Variants in PRKD3 observed in about 807,000 individuals in gnomAD.
The protein encoded by PRKD3 is serine/threonine-protein kinase D3.
A neutral mutation model predicts 99.2 loss-of-function variants in PRKD3; 47 were observed. The observed-to-expected ratio is 0.47, with a 90% CI of 0.38 to 0.60. The LOEUF (loss-of-function observed/expected upper bound fraction) is 0.60. Among genes scored for constraint, PRKD3 ranks in the 20% least tolerant of loss-of-function variants. The pLI, the probability that PRKD3 is intolerant of heterozygous loss-of-function variation, is 0.00. For synonymous variants in PRKD3, 392 were observed against 355.4 expected (o/e 1.10, Z -1.16); for missense variants, 1,019 against 1,088.4 (o/e 0.94, Z 0.90).
intron 1 of PRKD3, among the ~76,000 whole-genome samples, chr2:37,319,968 G>A (rs746493447): frequency 1.3e-5 from 2 of 152,152 alleles, no homozygotes; most frequent in Non-Finnish European, 2.9e-5. Context: ...ATTGAGCTAC[G>A]GGGTACAAAC....
chr2:37,289,990 A>G (rs998076770), intron 4 of PRKD3, among the ~76,000 whole-genome samples: 4 of 152,214 alleles, frequency 2.6e-5, no homozygotes, highest in African/African-American at 9.6e-5. Context: ...TTGGAACACA[A>G]CCATATCTAT....
chr2:37,311,144 T>C lies in PRKD3; in HGVS notation c.288+5093A>G, dbSNP rs189491197. Among the ~76,000 whole-genome samples, 217 of 152,312 alleles carry C rather than the reference T, an allele frequency of 1.4e-3. 1 individual carries two copies. Among genetic ancestry groups the C allele is most frequent in the African/African-American group, 4.9e-3 (202 of 41,574 alleles). Reference sequence around the variant, plus strand: ...TGTTAAAGGTATCTTGCTTTATCCATGCTACAAGCTATCAAAGTAGTAGCA... The same window carrying C: ...TGTTAAAGGTATCTTGCTTTATCCACGCTACAAGCTATCAAAGTAGTAGCA... On this transcript the variant is annotated intron_variant, in intron 2 of 18. Transcript: ENST00000234179.
At chr2:37,286,416 G>C in intron 5 of PRKD3, 47 bp from the exon 6 acceptor site, 1 of 1,499,950 alleles carries the variant, frequency 6.7e-7, no homozygotes, top group Non-Finnish European at 9.2e-7. Context: ...ATTAAAAACA[G>C]AGTAGTGGGA....
At chr2:37,304,197 A>G (rs921959870) in intron 2 of PRKD3, among the ~76,000 whole-genome samples, 1 of 102,444 alleles carries the variant, frequency 9.8e-6, no homozygotes, top group South Asian at 2.9e-4. Flanking sequence ...GGTACTTACT[A>G]AAAAAAAAAA....
Position 37,279,861 on chromosome 2 carries a change from T to C in PRKD3, c.1057A>G (p.Ser353Gly). 6.2e-7 allele frequency: 1 copy of C among 1,613,132 alleles called. No homozygotes were observed. The highest frequency in any genetic ancestry group is 8.5e-7 in the Non-Finnish European group (1 of 1,179,190). The change falls in exon 8 of 19, where the codon AGT becomes GGT. Residue 353 changes from serine (S) to glycine (G), a missense_variant. Physicochemically the swap from Ser to Gly is moderately conservative, Grantham distance 56. Coordinates refer to ENST00000234179, the MANE Select transcript of PRKD3 (RefSeq NM_005813.6). Reference sequence around the variant, plus strand: ...TCTGTGTCATCCAAACCCCGACTACTATCACTATTTATGTCATTATTGTCA... The same window carrying C: ...TCTGTGTCATCCAAACCCCGACTACCATCACTATTTATGTCATTATTGTCA... ...DIDNNDINSDSSRGLDDTEEP... is the reference protein window; with the variant it reads ...DIDNNDINSDGSRGLDDTEEP...
chr2:37,322,611 C>T (rs1342600797), intron 1 of PRKD3, among the ~76,000 whole-genome samples: 2 of 152,226 alleles, frequency 1.3e-5, no homozygotes, highest in Admixed American at 1.3e-4. Context: ...GCTAAGAAAT[C>T]TGATTGGTTA....
Position 37,252,897 on chromosome 2 carries a change from T to C in PRKD3, c.*280A>G, listed in dbSNP as rs1206009174. 3 of 175,946 alleles carry C rather than the reference T, an allele frequency of 1.7e-5. No individual in the cohort carries two copies. The highest frequency in any genetic ancestry group is 3.5e-5 in the Non-Finnish European group (3 of 85,652). The allele number at this position is 175,946 out of a possible 1,614,324, so 10.9% of individuals were successfully genotyped here. ...TGGGAAGACAAATTAAGTGAGCCTA[T>C]TGTATTAAAGTGAAGGATTAAGAAA... On this transcript the variant is annotated 3_prime_UTR_variant, in exon 19 of 19. Transcript: ENST00000234179.
chr2:37,279,923 G>C lies in PRKD3; in HGVS notation c.995C>G (p.Ser332Cys), dbSNP rs749544379. ...LGEVTFNGEP[S>C]SLGTDTDIPM... ...TATATCTGTATCTGTTCCCAGACTG[G>C]AAGGTTCTGGGAAAATTTTAAATGA... is the stretch of plus-strand genomic sequence containing the variant. Residue 332 changes from serine to cysteine, a missense_variant, in exon 8 of 19, where the codon TCC becomes TGC. By Grantham distance (112) the Ser-to-Cys change is moderately radical. Transcript: ENST00000234179. 2.5e-6 allele frequency: 4 copies of C among 1,596,346 alleles called. No individual in the cohort carries two copies. Among genetic ancestry groups the C allele is most frequent in the Non-Finnish European group, 8.5e-7 (1 of 1,172,130 alleles).
At chr2:37,270,363 A>C (rs1351450945) in intron 12 of PRKD3, among the ~76,000 whole-genome samples, 3 of 151,570 alleles carry the variant, frequency 2.0e-5, no homozygotes, top group African/African-American at 7.3e-5. Context: ...AAAAAAAAAA[A>C]AAAAACTCAA....
At position 37,316,479 on chromosome 2, in the gene PRKD3, G is replaced by T. The variant is rs950826254; in HGVS notation, c.46C>A (p.Pro16Thr). The T allele has an allele frequency of 5.0e-6, 8 of 1,614,068 alleles. No homozygotes were observed. In the Admixed American group the frequency reaches 1.0e-4, roughly 20 times the overall value. Residue 16 changes from proline (P) to threonine (T), a missense_variant, in exon 2 of 19, where the codon CCC (proline) becomes ACC (threonine). Physicochemically the swap from Pro to Thr is conservative, Grantham distance 38 (BLOSUM62 -1). Transcript: ENST00000234179. ...SPPSAQKSVL[P>T]TAIPAVLPAA... ...GGAAGCACAGCAGGAATAGCTGTGG[G>T]TAATACAGACTTCTGGGCTGATGGA...
intron 2 of PRKD3, among the ~76,000 whole-genome samples, chr2:37,310,623 G>C (rs1423334289): frequency 6.6e-6 from 1 of 152,170 alleles, no homozygotes; most frequent in African/African-American, 2.4e-5. Context: ...AGTGGATACA[G>C]TCAAGAAAAG....
intron 2 of PRKD3, among the ~76,000 whole-genome samples, chr2:37,313,941 T>C (rs959436421): frequency 2.6e-5 from 4 of 152,138 alleles, no homozygotes; most frequent in African/African-American, 4.8e-5. Flanking sequence ...GAACAAGATC[T>C]TGAAAAATTA....
Position 37,277,978 on chromosome 2 carries a change from C to A in PRKD3, c.1184G>T (p.Ser395Ile). Residue 395 changes from serine (S) to isoleucine (I), a missense_variant, in exon 9 of 19, where the codon AGC (serine) becomes ATC (isoleucine). This residue lies in a region of PRKD3 where 710 missense variants were observed against 692.7 expected (regional missense o/e 1.02). Transcript: ENST00000234179. ...EAVKTISPST[S>I]NNIPLMRVVQ... ...AACCCTCATTAGCGGAATATTATTG[C>A]TTGTTGATGGACTAAAAAATATTTA... is the stretch of plus-strand genomic sequence containing the variant. The A allele has an allele frequency of 1.2e-6, 2 of 1,600,438 alleles. No individual in the cohort carries two copies. The highest frequency in any genetic ancestry group is 1.7e-6 in the Non-Finnish European group (2 of 1,172,334).
chr2:37,302,188 A>C (rs1328595506), intron 2 of PRKD3, among the ~76,000 whole-genome samples: 1 of 152,214 alleles, frequency 6.6e-6, no homozygotes, highest in Non-Finnish European at 1.5e-5. Flanking sequence ...CTAATGATAC[A>C]GCATGGTAGA....
At chr2:37,306,138 G>T (rs909411705) in intron 2 of PRKD3, among the ~76,000 whole-genome samples, 1 of 149,200 alleles carries the variant, frequency 6.7e-6, no homozygotes, top group African/African-American at 2.5e-5. Context: ...GAAAATCCAA[G>T]CATGAACAAT....
In PRKD3 at chr2:37,254,195, T is replaced by C. The variant is rs372415442; in HGVS notation, c.2499+9A>G. 38 of 1,596,782 alleles carry C rather than the reference T, an allele frequency of 2.4e-5. No homozygotes were observed. In the African/African-American group the frequency reaches 5.0e-4, roughly 21 times the overall value. ...AGGATTGCCAAAGAGAGATTACATT[T>C]TTTTTTACCTGTAGCCAGGGATGAC... On this transcript the variant is annotated intron_variant, in intron 18 of 18. Transcript: ENST00000234179.
At chr2:37,299,052 G>C (rs1234047301) in intron 2 of PRKD3, among the ~76,000 whole-genome samples, 1 of 152,136 alleles carries the variant, frequency 6.6e-6, no homozygotes. Context: ...TATACCAGCT[G>C]CATGTCTGTC....
At chr2:37,286,444 G>C in intron 5 of PRKD3, 75 bp from the exon 6 acceptor site, 1 of 1,245,568 alleles carries the variant, frequency 8.0e-7, no homozygotes, top group Non-Finnish European at 1.1e-6. Flanking sequence ...TTAACCACAA[G>C]AATCATTTAT....
chr2:37,314,338 T>G (rs1341984771), intron 2 of PRKD3, among the ~76,000 whole-genome samples: 1 of 152,204 alleles, frequency 6.6e-6, no homozygotes, highest in Non-Finnish European at 1.5e-5. Context: ...AATCAATAAC[T>G]ATTTTATATT....
Sources: allele counts gnomAD v4.1 joint callset (sites outside exome capture counted in the v4.1 genomes callset), GRCh38; gene constraint gnomAD v4.1.1; regional missense constraint gnomAD v4.1.1; transcripts MANE v1.5; gene names NCBI Gene and HGNC (gene_info 2026-07-23, HGNC 2026-07-21).